The following CELF2 variants were observed in gnomAD, a reference collection of about 807,000 sequenced individuals.
CELF2 encodes the protein CUGBP Elav-like family member 2, also known as CUG triplet repeat RNA-binding protein 2.
A neutral mutation model predicts 62.6 loss-of-function variants in CELF2; 8 were observed. That is an observed-to-expected ratio of 0.13 (90% CI 0.07 to 0.23). The LOEUF (loss-of-function observed/expected upper bound fraction) is 0.23. Among genes scored for constraint, CELF2 ranks in the 10% least tolerant of loss-of-function variants. CELF2 has a pLI of 1.00. For missense variants in CELF2, 333 were observed against 671.0 expected (o/e 0.50, Z 5.56); for synonymous variants, 258 against 250.0 (o/e 1.03, Z -0.30).
intron 1 of CELF2, among the ~76,000 whole-genome samples, chr10:10,903,795 A>G (rs1222664690): frequency 6.6e-6 from 1 of 152,186 alleles, no homozygotes; most frequent in Non-Finnish European, 1.5e-5. Context: ...ATGCAGAGCC[A>G]CCTGCACAGG....
intron 1 of CELF2, among the ~76,000 whole-genome samples, chr10:11,067,200 A>G (rs2068408359): frequency 6.6e-6 from 1 of 152,222 alleles, no homozygotes; most frequent in Non-Finnish European, 1.5e-5. Flanking sequence ...AGTTCTAAGG[A>G]GGAAGCCATT....
chr10:11,122,114 A>G (rs2057874793), intron 1 of CELF2, among the ~76,000 whole-genome samples: 1 of 152,214 alleles, frequency 6.6e-6, no homozygotes. Context: ...TTGTGTTTTT[A>G]AGAAGCTGTT....
At chr10:11,055,104 G>A (rs2064933401) in intron 1 of CELF2, among the ~76,000 whole-genome samples, 1 of 152,238 alleles carries the variant, frequency 6.6e-6, no homozygotes, top group Non-Finnish European at 1.5e-5. Flanking sequence ...CTCATAACCT[G>A]TGTTTCATGT....
In CELF2 at chr10:11,302,221, C is replaced by T. The variant is rs1190622255; in HGVS notation, c.977-11918C>T. Among the ~76,000 whole-genome samples the T allele has an allele frequency of 6.6e-6, 1 of 152,218 alleles. No individual in the cohort carries two copies. Among genetic ancestry groups the T allele is most frequent in the African/African-American group, 2.4e-5 (1 of 41,462 alleles). On this transcript the variant is annotated intron_variant, in intron 9 of 12. Transcript: ENST00000633077. The surrounding 1 kb of genome is among the most constrained non-coding windows in gnomAD (Gnocchi z 5.0). Reference sequence around the variant, plus strand: ...ACAAACCAAACCTTCCCACTCCCTGCAGCCTCTCACCTTCTCATGCCTCAG... The same window carrying T: ...ACAAACCAAACCTTCCCACTCCCTGTAGCCTCTCACCTTCTCATGCCTCAG...
At chr10:11,301,265 C>T (rs1591042243) in intron 9 of CELF2, among the ~76,000 whole-genome samples, 1 of 151,996 alleles carries the variant, frequency 6.6e-6, no homozygotes, top group East Asian at 1.9e-4. Context: ...CCTCCGCAGG[C>T]AGCCTCACCC....
intron 2 of CELF2, among the ~76,000 whole-genome samples, chr10:10,944,626 G>C (rs1291444360): frequency 1.3e-5 from 2 of 151,608 alleles, no homozygotes; most frequent in Non-Finnish European, 2.9e-5. Flanking sequence ...TTTTGTGACA[G>C]AGTCTCACTC....
At chr10:11,150,351 AC>A (rs1382909619) in intron 1 of CELF2, among the ~76,000 whole-genome samples, 2 of 152,030 alleles carry the variant, frequency 1.3e-5, no homozygotes, top group Non-Finnish European at 2.9e-5. Context: ...CTAAACATGA[AC>A]CCTGCATGCC....
Position 11,280,494 on chromosome 10 carries a change from G to A in CELF2, c.841+5374G>A, listed in dbSNP as rs2088010995. On this transcript the variant is annotated intron_variant, in intron 8 of 12. Coordinates refer to ENST00000633077, the MANE Select transcript of CELF2 (RefSeq NM_001326342.2). The surrounding 1 kb of genome is among the most constrained non-coding windows in gnomAD (Gnocchi z 7.6). ...CGTTCCGGGTGATGGCGCTGTGGCT[G>A]TGGATCCATCTGTGGTGGGAGGAGC... 6.6e-6 allele frequency among the ~76,000 whole-genome samples: 1 copy of A among 152,242 alleles called. No individual in the cohort carries two copies. Among genetic ancestry groups the A allele is most frequent in the Admixed American group, 6.5e-5 (1 of 15,290 alleles).
the CELF2 span, among the ~76,000 whole-genome samples, chr10:10,598,178 T>C: frequency 2.0e-5 from 3 of 152,222 alleles, no homozygotes; most frequent in Non-Finnish European, 4.4e-5. Context: ...TCAAATCTTA[T>C]GTTTCATCAA....
intron 2 of CELF2, among the ~76,000 whole-genome samples, chr10:10,971,505 G>A (rs1392990937): frequency 6.6e-6 from 1 of 152,124 alleles, no homozygotes; most frequent in East Asian, 1.9e-4. Flanking sequence ...CAGCCTATGT[G>A]CCTGTCCTTC....
chr10:10,715,937 G>A, the CELF2 span, among the ~76,000 whole-genome samples: 3 of 152,334 alleles, frequency 2.0e-5, no homozygotes, highest in African/African-American at 7.2e-5. Context: ...CATTTGGGGT[G>A]ACTTGTTCTT....
the CELF2 span, among the ~76,000 whole-genome samples, chr10:10,528,296 G>T: frequency 3.3e-5 from 5 of 152,176 alleles, no homozygotes; most frequent in Non-Finnish European, 2.9e-5. Context: ...TGCTGGGAGG[G>T]CAGAAAGAAG....
rs1167727754 is a variant in CELF2, at chr10:11,246,046, T to G, written c.355-3107T>G. 6.6e-6 allele frequency among the ~76,000 whole-genome samples: 1 copy of G among 152,202 alleles called. No homozygotes were observed. Among genetic ancestry groups the G allele is most frequent in the African/African-American group, 2.4e-5 (1 of 41,444 alleles). On this transcript the variant is annotated intron_variant, in intron 3 of 12. Transcript: ENST00000633077. This position sits in a 1 kb window ranked among gnomAD's most constrained non-coding sequence, Gnocchi z 4.6. ...TGACTGCGTGATTTCCAGGGTCCTT[T>G]ACAGCTTTAGAGTATAGGGGCTCTG...
exon 1 of CELF2, chr10:10,798,796 T>C (rs2054334369): frequency 5.0e-6 from 2 of 398,768 alleles, no homozygotes; most frequent in East Asian, 3.6e-5. Context: ...TTGGATCCTC[T>C]GAAAAACTGG....
intron 1 of CELF2, among the ~76,000 whole-genome samples, chr10:10,812,673 C>T (rs180852996): frequency 6.6e-6 from 1 of 152,194 alleles, no homozygotes; most frequent in Non-Finnish European, 1.5e-5. Context: ...AGCCCCCTCC[C>T]TGGCTGTCCA....
chr10:10,773,973 T>C, the CELF2 span, among the ~76,000 whole-genome samples: 2 of 152,220 alleles, frequency 1.3e-5, no homozygotes, highest in Non-Finnish European at 2.9e-5. Flanking sequence ...CTTCCCCATA[T>C]TCACAGCAAA....
At chr10:10,902,527 T>C (rs2134134204) in intron 1 of CELF2, among the ~76,000 whole-genome samples, 1 of 152,308 alleles carries the variant, frequency 6.6e-6, no homozygotes, top group South Asian at 2.1e-4. Context: ...ATTCTATTTA[T>C]GTACAATTCC....
the CELF2 span, among the ~76,000 whole-genome samples, chr10:10,658,798 C>T: frequency 4.6e-5 from 7 of 152,002 alleles, no homozygotes; most frequent in African/African-American, 1.7e-4. Context: ...AGAATTTGAT[C>T]ATTACAGTCT....
At chr10:11,188,745 A>C (rs778064952) in intron 2 of CELF2, among the ~76,000 whole-genome samples, 6 of 149,998 alleles carry the variant, frequency 4.0e-5, no homozygotes, top group African/African-American at 1.5e-4. Flanking sequence ...CTTTCTCTCA[A>C]CTCTCCTTGT....
Sources: allele counts gnomAD v4.1 joint callset (sites outside exome capture counted in the v4.1 genomes callset), GRCh38; gene constraint gnomAD v4.1.1; non-coding constraint Gnocchi (gnomAD v3.1); transcripts MANE v1.5; gene names NCBI Gene and HGNC (gene_info 2026-07-23, HGNC 2026-07-21).